The following MAN2A1 variants were observed in gnomAD, a reference collection of about 807,000 sequenced individuals.
The protein encoded by MAN2A1 is alpha-mannosidase 2.
Under a neutral mutation model 142.6 loss-of-function variants are expected in MAN2A1, and 76 were observed. The observed-to-expected ratio is 0.53, with a 90% confidence interval of 0.44 to 0.65. The LOEUF (loss-of-function observed/expected upper bound fraction) is 0.65, where lower values mean the gene tolerates loss of function less well. Among genes scored for constraint, MAN2A1 ranks in the 30% least tolerant of loss-of-function variants. The pLI, the probability that MAN2A1 is intolerant of heterozygous loss-of-function variation, is 0.00. For missense variants in MAN2A1, 1,311 were observed against 1,365.1 expected, an observed-to-expected ratio of 0.96 and a Z score of 0.62; for synonymous variants, 559 against 473.2, an observed-to-expected ratio of 1.18 and a Z score of -2.35.
intron 4 of MAN2A1, among the ~76,000 whole-genome samples, chr5:109,750,858 T>C (rs896825557): frequency 1.3e-5 from 2 of 152,100 alleles, no homozygotes; most frequent in Non-Finnish European, 2.9e-5. Context: ...TTTTAATTGA[T>C]GCAAATATTT....
intron 1 of MAN2A1, among the ~76,000 whole-genome samples, chr5:109,711,447 A>C (rs1264628908): frequency 1.5e-5 from 1 of 67,178 alleles, no homozygotes; most frequent in Admixed American, 1.3e-4. Flanking sequence ...AGATTCATCA[A>C]CTGTACCTGA....
chr5:109,710,989 C>T (rs945620054), intron 1 of MAN2A1, among the ~76,000 whole-genome samples: 1 of 152,070 alleles, frequency 6.6e-6, no homozygotes, highest in Non-Finnish European at 1.5e-5. Flanking sequence ...CGCGCTCAGC[C>T]GCTAATTTTT....
At chr5:109,762,846 C>A (rs1412924478) in intron 5 of MAN2A1, among the ~76,000 whole-genome samples, 1 of 152,146 alleles carries the variant, frequency 6.6e-6, no homozygotes, top group Admixed American at 6.6e-5. Flanking sequence ...TGAACAAATG[C>A]AGCTTAAAGA....
intron 16 of MAN2A1, among the ~76,000 whole-genome samples, chr5:109,840,847 G>T (rs984179451): frequency 6.6e-6 from 1 of 151,862 alleles, no homozygotes; most frequent in African/African-American, 2.4e-5. Context: ...AGGATCACGG[G>T]TGCCAGCCCC....
chr5:109,764,190 A>G (rs13189235), intron 5 of MAN2A1, among the ~76,000 whole-genome samples: 26,664 of 152,088 alleles, frequency 0.18, 3,286 homozygotes, highest in East Asian at 0.64. Context: ...AAACTATAGT[A>G]TTAAATATAC....
chr5:109,735,469 G>T (rs1236712861), intron 4 of MAN2A1, among the ~76,000 whole-genome samples: 1 of 152,098 alleles, frequency 6.6e-6, no homozygotes, highest in African/African-American at 2.4e-5. Context: ...TCCTAGCCTC[G>T]ATGGTCTTTA....
At chr5:109,785,251 A>C (rs114533903) in intron 10 of MAN2A1, among the ~76,000 whole-genome samples, 2,322 of 152,236 alleles carry the variant, frequency 0.015, 24 homozygotes, top group Non-Finnish European at 0.024. Context: ...ACTTGGCATC[A>C]AATAAAACAT....
Position 109,817,360 on chromosome 5 carries a change from T to C in MAN2A1, c.2031T>C (p.Ser677=). ...YVSSPTVQVF[S]ASGKPVEVQV... ...GTTCCCCGACAGTGCAAGTGTTCTC[T>C]GCTTCAGGAAAACCTGTGGAAGTTC... Residue 677 remains serine (S), a synonymous_variant, in exon 13 of 22, where the codon TCT becomes TCC. Coordinates refer to ENST00000261483, the MANE Select transcript of MAN2A1 (RefSeq NM_002372.4). 1.2e-6 allele frequency: 2 copies of C among 1,614,194 alleles called. No homozygotes were observed. The highest frequency in any genetic ancestry group is 1.7e-6 in the Non-Finnish European group (2 of 1,180,020).
chr5:109,785,969 T>C (rs1378706480), intron 10 of MAN2A1, among the ~76,000 whole-genome samples: 5 of 152,138 alleles, frequency 3.3e-5, no homozygotes, highest in Non-Finnish European at 7.4e-5. Context: ...ATATTACTAA[T>C]TGTAGTAAAT....
At chr5:109,700,497 G>C (rs1372606925) in intron 1 of MAN2A1, among the ~76,000 whole-genome samples, 1 of 152,094 alleles carries the variant, frequency 6.6e-6, no homozygotes, top group Non-Finnish European at 1.5e-5. Flanking sequence ...GGCCTTGGTG[G>C]TAACATTTTA....
chr5:109,781,417 G>A lies in MAN2A1; in HGVS notation c.1396G>A (p.Asp466Asn). 6.2e-7 allele frequency: 1 copy of A among 1,604,338 alleles called. No homozygotes were observed. The highest frequency in any genetic ancestry group is 8.5e-7 in the Non-Finnish European group (1 of 1,177,468). Residue 466 changes from aspartate (D) to asparagine (N), a missense_variant, in exon 9 of 22, where the codon GAT becomes AAT. By Grantham distance (23) the Asp-to-Asn change is conservative. Around this residue, in one of 3 missense-constraint regions of MAN2A1, gnomAD observed 890 missense variants for 920.5 expected, o/e 0.97. Coordinates refer to ENST00000261483, the MANE Select transcript of MAN2A1 (RefSeq NM_002372.4). ...CTAGATACAGTTTGGAACTTTATCA[G>A]ATTTTTTTGATGCGCTGGATAAAGC... The part of the protein sequence containing the change: ...KVKIQFGTLS[D>N]FFDALDKADE...
At chr5:109,837,710 G>T (rs1000312671) in intron 16 of MAN2A1, among the ~76,000 whole-genome samples, 1 of 152,128 alleles carries the variant, frequency 6.6e-6, no homozygotes, top group African/African-American at 2.4e-5. Flanking sequence ...CCTTCACTCA[G>T]TATACGTTTA....
At chr5:109,783,319 T>C (rs930166883) in intron 9 of MAN2A1, among the ~76,000 whole-genome samples, 3 of 152,184 alleles carry the variant, frequency 2.0e-5, no homozygotes, top group Non-Finnish European at 2.9e-5. Flanking sequence ...TTCATCTCTC[T>C]GCTCATTTGC....
At position 109,851,534 on chromosome 5, in the gene MAN2A1, C is replaced by T. The variant is rs578080087; in HGVS notation, c.2977-3606C>T. ...TCTCTTGCACTCTCTTGCCTTTTCACCATGTGATAATGCAGCAAGAAGGCC... is the reference window on the plus strand; with the variant it reads ...TCTCTTGCACTCTCTTGCCTTTTCATCATGTGATAATGCAGCAAGAAGGCC... On this transcript the variant is annotated intron_variant, in intron 19 of 21. Transcript: ENST00000261483. Among the ~76,000 whole-genome samples the T allele has an allele frequency of 2.8e-4, 42 of 152,242 alleles. 2 individuals are homozygous for T. The South Asian group carries it at 8.3e-3, about 30-fold the overall frequency.
intron 5 of MAN2A1, among the ~76,000 whole-genome samples, chr5:109,762,087 T>C (rs906144894): frequency 1.3e-5 from 2 of 152,170 alleles, no homozygotes; most frequent in African/African-American, 4.8e-5. Flanking sequence ...CATTATAGCA[T>C]TCTGGACTTT....
intron 7 of MAN2A1, among the ~76,000 whole-genome samples, chr5:109,773,297 A>G (rs942679201): frequency 6.6e-6 from 1 of 152,202 alleles, no homozygotes; most frequent in African/African-American, 2.4e-5. Context: ...AAGGCATGCC[A>G]TTAACGTTTG....
At chr5:109,776,642 T>A (rs1753300873) in intron 8 of MAN2A1, among the ~76,000 whole-genome samples, 1 of 152,130 alleles carries the variant, frequency 6.6e-6, no homozygotes, top group Non-Finnish European at 1.5e-5. Flanking sequence ...ATAGAAGAAG[T>A]GGACAAACCA....
chr5:109,759,822 AT>A (rs1040536646), intron 5 of MAN2A1, among the ~76,000 whole-genome samples: 1 of 151,946 alleles, frequency 6.6e-6, no homozygotes, highest in Non-Finnish European at 1.5e-5. Context: ...TTTCACTGTT[AT>A]TTTAACATGC....
At chr5:109,761,827 A>T (rs1752852248) in intron 5 of MAN2A1, among the ~76,000 whole-genome samples, 1 of 152,026 alleles carries the variant, frequency 6.6e-6, no homozygotes, top group Non-Finnish European at 1.5e-5. Flanking sequence ...ATTTCTCCAA[A>T]GTTATTAATA....
Sources: gnomAD v4.1 joint callset for allele counts (sites outside exome capture counted in the v4.1 genomes callset) on GRCh38, gnomAD v4.1.1 for gene constraint, gnomAD v4.1.1 regional missense constraint, MANE v1.5 for transcripts, NCBI Gene and HGNC (gene_info 2026-07-23, HGNC 2026-07-21) for gene names.